Variants in ABCC1 observed in about 807,000 individuals in gnomAD.
ABCC1 encodes multidrug resistance-associated protein 1.
ABCC1 carries 83 observed loss-of-function variants against 172.9 expected under a neutral mutation model. That is an observed-to-expected ratio of 0.48 (90% CI 0.40 to 0.58). The LOEUF is 0.58. Ranked by LOEUF, ABCC1 falls within the 20% of genes least tolerant of loss-of-function variation. ABCC1 has a pLI of 0.00. For synonymous variants in ABCC1, 937 were observed against 825.2 expected (o/e 1.14, Z -2.32); for missense variants, 1,817 against 2,002.7 (o/e 0.91, Z 1.77).
intron 19 of ABCC1, among the ~76,000 whole-genome samples, chr16:16,096,675 G>A (rs900119799): frequency 2.0e-5 from 3 of 152,128 alleles, no homozygotes; most frequent in Non-Finnish European, 4.4e-5. Context: ...TCTTCCCTCC[G>A]GGGAGGCTGG....
intron 5 of ABCC1, among the ~76,000 whole-genome samples, chr16:16,019,878 C>T (rs957469720): frequency 1.3e-5 from 2 of 152,134 alleles, no homozygotes; most frequent in African/African-American, 4.8e-5. Context: ...GTCATCTCCC[C>T]CAGCTCGGCT....
chr16:16,016,346 G>T (rs2047995782), intron 4 of ABCC1, 150 bp from the exon 5 acceptor site: 1 of 968,992 alleles, frequency 1.0e-6, no homozygotes, highest in Admixed American at 2.2e-5. Context: ...TAGAGACGGG[G>T]TTTCACCATG....
rs925698303 is a variant in ABCC1 at position 16,142,734 on chromosome 16, T to C, written c.*1453T>C. ...GAAGCTCGCCCTGTGTTTGAAACCG[T>C]GTTGGTCTCTGTGTTCCTGGAAGAA... On this transcript the variant is annotated 3_prime_UTR_variant, in exon 31 of 31. Transcript: ENST00000399410. 1 of 152,176 alleles carries C rather than the reference T, an allele frequency of 6.6e-6. No individual in the cohort carries two copies. Among genetic ancestry groups the C allele is most frequent in the Non-Finnish European group, 1.5e-5 (1 of 68,024 alleles). 9.4% of individuals were successfully genotyped at this position (152,176 alleles called of 1,614,324 possible).
In ABCC1 at chr16:16,091,208, C is replaced by T. The variant is rs1229203989; in HGVS notation, c.2644+620C>T. ...CATAGAGAGGCTGAGGTGGGAGGAT[C>T]GCTCCAGCTCAGGAGTTTGAGACCA... On this transcript the variant is annotated intron_variant, in intron 19 of 30. Coordinates refer to ENST00000399410, the MANE Select transcript of ABCC1 (RefSeq NM_004996.4). 3.9e-5 allele frequency among the ~76,000 whole-genome samples: 6 copies of T among 151,916 alleles called. No homozygotes were observed. In the East Asian group the frequency reaches 9.7e-4, roughly 24 times the overall value.
At chr16:16,051,236 C>T (rs2049417473) in intron 10 of ABCC1, among the ~76,000 whole-genome samples, 1 of 151,480 alleles carries the variant, frequency 6.6e-6, no homozygotes, top group African/African-American at 2.4e-5. Flanking sequence ...GTGGTGCGAT[C>T]ATAGCTCACT....
chr16:16,008,842 CAAAAA>C (rs1208088210), intron 2 of ABCC1, among the ~76,000 whole-genome samples: 1 of 60,236 alleles, frequency 1.7e-5, no homozygotes, highest in Non-Finnish European at 3.3e-5. Context: ...GACTCCTTCT[CAAAAA>C]AAAAAAAAAA....
At position 16,102,408 on chromosome 16, in the gene ABCC1, G is replaced by C. The variant is rs2051801609; in HGVS notation, c.2645-219G>C. On this transcript the variant is annotated intron_variant, in intron 19 of 30. Transcript: ENST00000399410. ...ATGGAGCCTTCTGCACAGTTGCAAA[G>C]CACTGTCCCTACCCCAAGGGACTGA... Among the ~76,000 whole-genome samples the C allele has an allele frequency of 2.6e-5, 4 of 152,206 alleles. No homozygotes were observed. In the South Asian group the frequency reaches 8.3e-4, roughly 31 times the overall value.
chr16:16,085,518 G>C (rs563109362), intron 17 of ABCC1, among the ~76,000 whole-genome samples: 1 of 152,184 alleles, frequency 6.6e-6, no homozygotes, highest in Non-Finnish European at 1.5e-5. Flanking sequence ...GGTAGCTCAC[G>C]CCTATAATCC....
rs572629179 is a variant in ABCC1, at chr16:16,121,378, A to G, written c.3391-597A>G. 3.3e-5 allele frequency among the ~76,000 whole-genome samples: 5 copies of G among 152,282 alleles called. 1 individual carries two copies. The South Asian group carries it at 1.0e-3, about 32-fold the overall frequency. ...GTTGTTCCCATTTTACAGATAAGGA[A>G]ACTGAGGCTTAGAGAAGTAAAGTGT... On this transcript the variant is annotated intron_variant, in intron 23 of 30. Transcript: ENST00000399410.
intron 12 of ABCC1, among the ~76,000 whole-genome samples, chr16:16,057,594 A>T (rs2049721004): frequency 6.6e-6 from 1 of 152,040 alleles, no homozygotes; most frequent in African/African-American, 2.4e-5. Context: ...CTCTTCCATC[A>T]GTTCCTCCCT....
At chr16:16,040,068 A>T (rs776739469) in intron 7 of ABCC1, among the ~76,000 whole-genome samples, 56 of 105,970 alleles carry the variant, frequency 5.3e-4, no homozygotes, top group East Asian at 2.5e-3. Flanking sequence ...GTTTGTTTGT[A>T]TGTATGTATG....
chr16:16,046,559 G>A (rs1280253467), intron 9 of ABCC1, among the ~76,000 whole-genome samples: 1 of 152,114 alleles, frequency 6.6e-6, no homozygotes, highest in African/African-American at 2.4e-5. Flanking sequence ...TGGCCAGGCT[G>A]ATCTTGAACT....
intron 1 of ABCC1, among the ~76,000 whole-genome samples, chr16:15,962,552 A>G (rs2046158163): frequency 6.6e-6 from 1 of 152,164 alleles, no homozygotes; most frequent in African/African-American, 2.4e-5. Flanking sequence ...TAATTGACTC[A>G]CAGTTCTGCA....
chr16:15,961,771 C>CTTTT (rs4148334), intron 1 of ABCC1, among the ~76,000 whole-genome samples: 3 of 129,220 alleles, frequency 2.3e-5, no homozygotes, highest in Non-Finnish European at 3.3e-5. Flanking sequence ...ATCAAATCAA[C>CTTTT]TTTTTTTTTT....
intron 14 of ABCC1, 109 bp downstream of exon 14, chr16:16,071,838 C>T: frequency 2.0e-6 from 2 of 1,003,830 alleles, no homozygotes; most frequent in Non-Finnish European, 3.0e-6. Context: ...TTTGACTCTG[C>T]CCAGCCGCTT....
intron 20 of ABCC1, 124 bp from the exon 21 acceptor site, chr16:16,106,614 G>A: frequency 8.9e-7 from 1 of 1,121,554 alleles, no homozygotes; most frequent in Admixed American, 2.1e-5. Flanking sequence ...TTACATGTGT[G>A]CATGTGGAAA....
intron 5 of ABCC1, among the ~76,000 whole-genome samples, chr16:16,025,677 C>T (rs2048344475): frequency 6.6e-6 from 1 of 152,194 alleles, no homozygotes; most frequent in Non-Finnish European, 1.5e-5. Flanking sequence ...CTCCAAGAAT[C>T]AGTGCCTGGG....
Position 16,124,885 on chromosome 16 carries a change from G to A in ABCC1, c.3687G>A (p.Leu1229=), listed in dbSNP as rs375128145. 1 of 1,614,186 alleles carries A rather than the reference G, an allele frequency of 6.2e-7. No homozygotes were observed. The highest frequency in any genetic ancestry group is 1.3e-5 in the African/African-American group (1 of 75,060). The change falls in exon 25 of 31, where the codon TTG becomes TTA. Residue 1229 remains leucine, a synonymous_variant. Coordinates refer to ENST00000399410, the MANE Select transcript of ABCC1 (RefSeq NM_004996.4). ...VISRHSLSAG[L]VGLSVSYSLQ... is the part of the protein sequence containing the mutation. ...CCAGGCACAGCCTCAGTGCTGGCTT[G>A]GTGGGCCTCTCAGTGTCTTACTCAT...
chr16:16,000,883 G>T (rs1384878799), intron 1 of ABCC1, among the ~76,000 whole-genome samples: 1 of 152,178 alleles, frequency 6.6e-6, no homozygotes, highest in Non-Finnish European at 1.5e-5. Context: ...TGAGGTACCT[G>T]AGTTGGATTT....
Sources: allele counts gnomAD v4.1 joint callset (sites outside exome capture counted in the v4.1 genomes callset), GRCh38; gene constraint gnomAD v4.1.1; transcripts MANE v1.5; gene names NCBI Gene and HGNC (gene_info 2026-07-23, HGNC 2026-07-21).